Variants in NEDD4L observed in about 807,000 individuals in gnomAD.
The protein encoded by NEDD4L is NEDD4 like E3 ubiquitin protein ligase, also known as E3 ubiquitin-protein ligase NEDD4-like.
A neutral mutation model predicts 148.9 loss-of-function variants in NEDD4L; 54 were observed. The observed-to-expected ratio is 0.36, with a 90% CI of 0.29 to 0.45. The LOEUF is 0.45. NEDD4L is among the 20% of genes least tolerant of loss of function. The probability of loss-of-function intolerance (pLI) is 1.00; values close to 1 mark genes in which losing one functional copy is unlikely to be tolerated. For missense variants in NEDD4L, 856 were observed against 1,233.8 expected (o/e 0.69, Z 4.59); for synonymous variants, 433 against 440.7 (o/e 0.98, Z 0.22).
intron 2 of NEDD4L, among the ~76,000 whole-genome samples, chr18:58,180,001 G>C (rs899175167): frequency 1.2e-4 from 18 of 152,272 alleles, no homozygotes; most frequent in Admixed American, 1.0e-3. Context: ...CGTTGGTGTA[G>C]AGGACTCCTC....
chr18:58,128,127 A>G (rs1598970275), intron 1 of NEDD4L, among the ~76,000 whole-genome samples: 1 of 151,664 alleles, frequency 6.6e-6, no homozygotes, highest in Non-Finnish European at 1.5e-5. Flanking sequence ...GCTCACTGCA[A>G]CCTCCACCTC....
chr18:58,259,614 G>T (rs1010732678), intron 5 of NEDD4L, among the ~76,000 whole-genome samples: 4 of 152,140 alleles, frequency 2.6e-5, no homozygotes, highest in Admixed American at 2.0e-4. Flanking sequence ...GTGTTATGAA[G>T]TACTCAAGGT....
At chr18:58,196,853 T>G (rs1415930733) in intron 2 of NEDD4L, among the ~76,000 whole-genome samples, 2 of 151,546 alleles carry the variant, frequency 1.3e-5, no homozygotes, top group East Asian at 3.9e-4. Context: ...TAATTCTGTA[T>G]AAACAATGAG....
intron 5 of NEDD4L, among the ~76,000 whole-genome samples, chr18:58,308,797 G>A (rs775860831): frequency 2.6e-5 from 4 of 152,234 alleles, no homozygotes; most frequent in Non-Finnish European, 5.9e-5. Context: ...AGTCAGTAAC[G>A]TTGGTCTGCA....
At chr18:58,274,274 C>T (rs1356134195) in intron 5 of NEDD4L, among the ~76,000 whole-genome samples, 2 of 152,144 alleles carry the variant, frequency 1.3e-5, no homozygotes, top group Non-Finnish European at 2.9e-5. Context: ...AAGTGGCTGT[C>T]GTGTTGGGCT....
At chr18:58,321,617 C>T (rs981939777) in intron 6 of NEDD4L, among the ~76,000 whole-genome samples, 3 of 152,336 alleles carry the variant, frequency 2.0e-5, no homozygotes, top group South Asian at 2.1e-4. Flanking sequence ...GCAGTGCATA[C>T]GTACATACAT....
chr18:58,055,721 C>G (rs2082058077), intron 1 of NEDD4L, among the ~76,000 whole-genome samples: 4 of 152,274 alleles, frequency 2.6e-5, no homozygotes, highest in African/African-American at 7.2e-5. Flanking sequence ...TCCCCACTTG[C>G]AGTTTGCAAA....
chr18:58,351,105 A>G (rs891162854), intron 18 of NEDD4L, 60 bp downstream of exon 18: 16 of 1,550,348 alleles, frequency 1.0e-5, no homozygotes, highest in African/African-American at 9.6e-5. Flanking sequence ...GAGTAATTCA[A>G]ACATCATAGT....
chr18:58,136,908 G>A (rs1001041183), intron 1 of NEDD4L, among the ~76,000 whole-genome samples: 1 of 152,124 alleles, frequency 6.6e-6, no homozygotes, highest in Non-Finnish European at 1.5e-5. Flanking sequence ...ATAATAGTCT[G>A]GTTTTCCTAA....
At chr18:58,384,753 A>G (rs544059567) in intron 25 of NEDD4L, among the ~76,000 whole-genome samples, 1 of 152,314 alleles carries the variant, frequency 6.6e-6, no homozygotes, top group East Asian at 1.9e-4. Flanking sequence ...GCCACCTGAG[A>G]GGCCGCACAG....
chr18:58,352,253 G>A (rs938767283), intron 18 of NEDD4L, among the ~76,000 whole-genome samples: 14 of 152,132 alleles, frequency 9.2e-5, no homozygotes, highest in East Asian at 3.8e-4. Flanking sequence ...CTGCTTTCAT[G>A]TATGTGTATG....
intron 5 of NEDD4L, among the ~76,000 whole-genome samples, chr18:58,278,060 A>T (rs2052413084): frequency 6.6e-6 from 1 of 152,128 alleles, no homozygotes; most frequent in Non-Finnish European, 1.5e-5. Context: ...CTTCCGTGTC[A>T]TTGTTTGAGA....
At chr18:58,379,898 G>A (rs541682698) in intron 24 of NEDD4L, among the ~76,000 whole-genome samples, 355 of 151,812 alleles carry the variant, frequency 2.3e-3, no homozygotes, top group Middle Eastern at 0.014. Flanking sequence ...TTAGGGAGCA[G>A]AATTACAAAC....
chr18:58,345,411 G>GT (rs2042923097), intron 16 of NEDD4L, among the ~76,000 whole-genome samples: 2 of 152,302 alleles, frequency 1.3e-5, no homozygotes, highest in South Asian at 4.1e-4. Context: ...GGTTTGCTTT[G>GT]TTTTTTATTT....
chr18:58,196,415 T>G (rs2040696267), intron 2 of NEDD4L, among the ~76,000 whole-genome samples: 1 of 152,210 alleles, frequency 6.6e-6, no homozygotes. Context: ...TCACCCAGAT[T>G]AAATGATTTT....
intron 22 of NEDD4L, among the ~76,000 whole-genome samples, chr18:58,368,626 G>C (rs2046416976): frequency 6.6e-6 from 1 of 152,166 alleles, no homozygotes; most frequent in African/African-American, 2.4e-5. Context: ...ATTTCCAAGG[G>C]AACTGTGTTC....
intron 2 of NEDD4L, among the ~76,000 whole-genome samples, chr18:58,190,491 C>A (rs1318570023): frequency 6.6e-6 from 1 of 152,132 alleles, no homozygotes; most frequent in African/African-American, 2.4e-5. Context: ...AATTTGATCT[C>A]ATCTTAGGAA....
At chr18:58,245,866 T>TG (rs1426332806) in intron 3 of NEDD4L, among the ~76,000 whole-genome samples, 20 of 146,272 alleles carry the variant, frequency 1.4e-4, no homozygotes, top group Admixed American at 4.1e-4. Flanking sequence ...TTTTTTTTTT[T>TG]TTTGTATTTT....
intron 5 of NEDD4L, among the ~76,000 whole-genome samples, chr18:58,289,382 A>G (rs892184694): frequency 6.6e-6 from 1 of 152,178 alleles, no homozygotes; most frequent in Non-Finnish European, 1.5e-5. Context: ...CTTGGAGTAT[A>G]TGGCCTATGA....
Sources: gnomAD v4.1 joint callset for allele counts (sites outside exome capture counted in the v4.1 genomes callset) on GRCh38, gnomAD v4.1.1 for gene constraint, MANE v1.5 for transcripts, NCBI Gene and HGNC (gene_info 2026-07-23, HGNC 2026-07-21) for gene names.